Variants in NFATC1 observed in about 807,000 individuals in gnomAD.
NFATC1 encodes nuclear factor of activated T cells 1.
NFATC1 carries 22 observed loss-of-function variants against 76.0 expected under a neutral mutation model. The observed-to-expected ratio is 0.29, with a 90% CI of 0.21 to 0.41. NFATC1 has a LOEUF of 0.41. NFATC1 is among the 10% of genes least tolerant of loss of function. The pLI is 1.00. For synonymous variants in NFATC1, 704 were observed against 613.1 expected (o/e 1.15, Z -2.19); for missense variants, 1,357 against 1,337.7 (o/e 1.01, Z -0.23).
intron 7 of NFATC1, among the ~76,000 whole-genome samples, chr18:79,466,093 G>GGT (rs1481209227): frequency 6.6e-6 from 1 of 152,190 alleles, no homozygotes; most frequent in East Asian, 1.9e-4. Context: ...GGGGAGCAGG[G>GGT]GTGCGGGGAG....
chr18:79,412,735 G>T (rs2085739857), intron 2 of NFATC1, among the ~76,000 whole-genome samples: 1 of 152,218 alleles, frequency 6.6e-6, no homozygotes, highest in African/African-American at 2.4e-5. Flanking sequence ...CAGTGTTAGA[G>T]CTGACAGTTC....
At chr18:79,482,493 G>A (rs1190852466) in intron 8 of NFATC1, among the ~76,000 whole-genome samples, 2 of 142,282 alleles carry the variant, frequency 1.4e-5, no homozygotes, top group East Asian at 4.3e-4. Context: ...AGCATGAGCT[G>A]TTTCCTGGGG....
At chr18:79,449,740 G>C (rs559347372) in intron 4 of NFATC1, among the ~76,000 whole-genome samples, 2 of 152,312 alleles carry the variant, frequency 1.3e-5, no homozygotes, top group East Asian at 1.9e-4. Context: ...TGGGGAAGCT[G>C]TGTGTGGGGT....
At chr18:79,407,079 G>A (rs1019040464) in intron 1 of NFATC1, among the ~76,000 whole-genome samples, 1 of 152,232 alleles carries the variant, frequency 6.6e-6, no homozygotes, top group African/African-American at 2.4e-5. Context: ...CTGGCCCAGA[G>A]CCCCCCAGGT....
chr18:79,399,233 C>T (rs950194086), intron 1 of NFATC1, among the ~76,000 whole-genome samples: 11 of 152,244 alleles, frequency 7.2e-5, no homozygotes, highest in African/African-American at 2.7e-4. Context: ...CTAAATCAGG[C>T]CACACGGAAC....
intron 9 of NFATC1, among the ~76,000 whole-genome samples, chr18:79,494,592 C>T (rs1246415757): frequency 2.4e-5 from 2 of 81,798 alleles, no homozygotes; most frequent in African/African-American, 9.1e-5. Context: ...AGAGCGGGCA[C>T]ACGCCCCCCA....
At chr18:79,428,074 G>A (rs1414487541) in intron 2 of NFATC1, among the ~76,000 whole-genome samples, 3 of 149,010 alleles carry the variant, frequency 2.0e-5, no homozygotes, top group East Asian at 2.0e-4. Context: ...GCAGTGGGTC[G>A]GGGGGCCTGG....
intron 3 of NFATC1, among the ~76,000 whole-genome samples, chr18:79,444,474 G>C (rs556069376): frequency 2.8e-5 from 3 of 105,422 alleles, no homozygotes; most frequent in Admixed American, 2.7e-4. Context: ...AGCTTCCCCC[G>C]CCTACCCCGA....
chr18:79,516,957 C>T (rs1490392856), intron 9 of NFATC1, among the ~76,000 whole-genome samples: 2 of 152,162 alleles, frequency 1.3e-5, no homozygotes, highest in African/African-American at 4.8e-5. Context: ...GTGTATTCAG[C>T]AATTCAATGA....
At chr18:79,470,083 G>C (rs1600838404) in intron 8 of NFATC1, 1 of 873,868 alleles carries the variant, frequency 1.1e-6, no homozygotes, top group African/African-American at 1.8e-5. Flanking sequence ...GGCTGGGTCT[G>C]AGGACGCCGA....
At chr18:79,455,349 G>A (rs897953217) in intron 6 of NFATC1, among the ~76,000 whole-genome samples, 4 of 152,226 alleles carry the variant, frequency 2.6e-5, no homozygotes, top group South Asian at 2.1e-4. Context: ...TGTGGCCGCC[G>A]TGACTGGCAG....
In NFATC1 at chr18:79,410,961, C is replaced by A. The variant is rs1381966515; in HGVS notation, c.686C>A (p.Thr229Lys). 6.2e-7 allele frequency: 1 copy of A among 1,602,892 alleles called. No homozygotes were observed. Among genetic ancestry groups the A allele is most frequent in the Non-Finnish European group, 8.5e-7 (1 of 1,175,380 alleles). The change falls in exon 2 of 10, where the codon ACA (threonine) becomes AAA (lysine). Residue 229 changes from threonine to lysine, a missense_variant. Physicochemically the swap from Thr to Lys is moderately conservative, Grantham distance 78. This residue lies in a region of NFATC1 where 691 missense variants were observed against 613.1 expected (regional missense o/e 1.13). Transcript: ENST00000427363. This position sits in a 1 kb window ranked among gnomAD's most constrained non-coding sequence, Gnocchi z 6.7. ...EGFPRGLGAC[T>K]LLGSPRHSPS... is the part of the protein sequence containing the mutation. ...TTTCCCCGCGGGCTGGGGGCCTGCACACTGCTGGGTTCCCCGCGGCACTCC... is the reference window on the plus strand; with the variant it reads ...TTTCCCCGCGGGCTGGGGGCCTGCAAACTGCTGGGTTCCCCGCGGCACTCC...
At chr18:79,467,621 C>T (rs182783833) in intron 8 of NFATC1, 39 bp downstream of exon 8, 69 of 1,606,104 alleles carry the variant, frequency 4.3e-5, no homozygotes, top group Non-Finnish European at 5.5e-5. Flanking sequence ...TGAACATGAG[C>T]GCGTGGGGTG....
At chr18:79,398,574 G>A (rs529924465) in intron 1 of NFATC1, among the ~76,000 whole-genome samples, 38 of 152,154 alleles carry the variant, frequency 2.5e-4, no homozygotes, top group Non-Finnish European at 4.9e-4. Context: ...CAGGGGAGCC[G>A]CCCCACCGAC....
chr18:79,402,313 C>G (rs764241898), intron 1 of NFATC1: 40 of 985,242 alleles, frequency 4.1e-5, no homozygotes, highest in Non-Finnish European at 4.8e-5. Context: ...CTGCTGGCAT[C>G]GGATATGGGG....
chr18:79,474,214 A>G (rs1157993402), intron 8 of NFATC1, among the ~76,000 whole-genome samples: 50 of 9,372 alleles, frequency 5.3e-3, no homozygotes, highest in South Asian at 0.028. Flanking sequence ...TCTCATGCTC[A>G]CTGTCGACGT....
At chr18:79,493,030 A>C (rs967507222) in intron 9 of NFATC1, among the ~76,000 whole-genome samples, 4 of 150,670 alleles carry the variant, frequency 2.7e-5, no homozygotes, top group Admixed American at 6.7e-5. Context: ...TTTCTCCTGA[A>C]TATTGGGCTT....
chr18:79,493,761 C>T (rs2089773558), intron 9 of NFATC1: 1 of 152,238 alleles, frequency 6.6e-6, no homozygotes. Flanking sequence ...GTTACCGTCG[C>T]AGACGGCGGC....
chr18:79,416,612 T>C (rs933105007), intron 2 of NFATC1, among the ~76,000 whole-genome samples: 3 of 152,196 alleles, frequency 2.0e-5, no homozygotes, highest in African/African-American at 7.2e-5. Flanking sequence ...CATCACCTCC[T>C]GGGAAGACGG....
Sources: gnomAD v4.1 joint callset for allele counts (sites outside exome capture counted in the v4.1 genomes callset) on GRCh38, gnomAD v4.1.1 for gene constraint, gnomAD v4.1.1 regional missense constraint, Gnocchi (gnomAD v3.1) non-coding constraint, MANE v1.5 for transcripts, NCBI Gene and HGNC (gene_info 2026-07-23, HGNC 2026-07-21) for gene names.